Variants in TNIP3 observed in about 807,000 individuals in gnomAD.
The protein encoded by TNIP3 is TNFAIP3 interacting protein 3.
In TNIP3, 34 loss-of-function variants were observed where a neutral mutation model predicts 54.1. The ratio of observed to expected loss-of-function variants is 0.63; its 90% CI spans 0.48 to 0.84. The LOEUF (loss-of-function observed/expected upper bound fraction) is 0.84. TNIP3 is among the 40% of genes least tolerant of loss of function. TNIP3 has a pLI of 0.00. For synonymous variants in TNIP3, 134 were observed against 136.8 expected, an observed-to-expected ratio of 0.98 and a Z score of 0.14; for missense variants, 366 against 387.6, an observed-to-expected ratio of 0.94 and a Z score of 0.47.
intron 5 of TNIP3, among the ~76,000 whole-genome samples, chr4:121,152,685 G>C (rs1278969823): frequency 6.6e-6 from 1 of 152,106 alleles, no homozygotes; most frequent in Non-Finnish European, 1.5e-5. Context: ...CATTGCCTGA[G>C]TCCCTCCCTC....
chr4:121,216,794 A>G (rs1485695672), upstream of TNIP3, among the ~76,000 whole-genome samples: 2 of 152,182 alleles, frequency 1.3e-5, no homozygotes, highest in African/African-American at 4.8e-5. Context: ...AGAAAGCTAG[A>G]CATTCTAATA....
At chr4:121,157,537 C>G in intron 3 of TNIP3, among the ~76,000 whole-genome samples, 1 of 152,180 alleles carries the variant, frequency 6.6e-6, no homozygotes, top group East Asian at 1.9e-4. Context: ...CCAGGGGAAT[C>G]TGTAGGTTTG....
rs780015587 is a variant in TNIP3 at position 121,157,111 on chromosome 4, G to C, written c.346C>G (p.Arg116Gly). The C allele has an allele frequency of 6.8e-6, 11 of 1,613,952 alleles. No homozygotes were observed. In the South Asian group the frequency reaches 9.9e-5, roughly 15 times the overall value. ...DDRQRDLTRDRLQREEKEKER... is the reference protein window; with the variant it reads ...DDRQRDLTRDGLQREEKEKER... ...CCGCCCACCTCCTCCCGCTGCAGCC[G>C]GTCCCGGGTCAGGTCGCGCTGCCTG... Residue 116 changes from arginine to glycine, a missense_variant, in exon 4 of 11, where the codon CGG becomes GGG. Arg to Gly is a moderately radical substitution (Grantham distance 125). Transcript: ENST00000057513.
intron 3 of TNIP3, among the ~76,000 whole-genome samples, chr4:121,178,697 C>T (rs1724503019): frequency 6.6e-6 from 1 of 152,092 alleles, no homozygotes; most frequent in South Asian, 2.1e-4. Context: ...TTGATACTCC[C>T]CTGCAGACTC....
chr4:121,146,125 C>G (rs1402483750), intron 7 of TNIP3, among the ~76,000 whole-genome samples: 3 of 151,752 alleles, frequency 2.0e-5, no homozygotes, highest in Non-Finnish European at 2.9e-5. Context: ...TTTTTTACTA[C>G]TATTTTATTT....
chr4:121,146,382 T>A (rs1176573453), intron 7 of TNIP3, among the ~76,000 whole-genome samples: 1 of 152,208 alleles, frequency 6.6e-6, no homozygotes, highest in African/African-American at 2.4e-5. Context: ...ATTTTACAAA[T>A]AAAAATGGTG....
intron 2 of TNIP3, among the ~76,000 whole-genome samples, chr4:121,159,988 A>G (rs746488464): frequency 7.9e-5 from 12 of 152,370 alleles, no homozygotes; most frequent in Middle Eastern, 6.8e-3. Flanking sequence ...ATTATTTAGT[A>G]TGAAACTGTA....
chr4:121,159,796 TTGTTGG>T (rs1730336169), intron 2 of TNIP3, among the ~76,000 whole-genome samples: 1 of 152,226 alleles, frequency 6.6e-6, no homozygotes, highest in South Asian at 2.1e-4. Context: ...GGTTGGCTTT[TTGTTGG>T]GGAAGTTTGT....
At chr4:121,188,662 G>A (rs1725146630) in intron 2 of TNIP3, among the ~76,000 whole-genome samples, 2 of 152,058 alleles carry the variant, frequency 1.3e-5, no homozygotes, top group Admixed American at 1.3e-4. Flanking sequence ...AAAATGTTAT[G>A]GTTTACTGCC....
chr4:121,211,297 A>G (rs562912157), intron 2 of TNIP3, among the ~76,000 whole-genome samples: 18 of 152,364 alleles, frequency 1.2e-4, no homozygotes, highest in African/African-American at 4.3e-4. Flanking sequence ...ATGATATAAA[A>G]TACTAAAAAG....
intron 2 of TNIP3, among the ~76,000 whole-genome samples, chr4:121,200,357 AG>A (rs1397942884): frequency 6.6e-6 from 1 of 152,170 alleles, no homozygotes; most frequent in African/African-American, 2.4e-5. Context: ...AAAACTTTAT[AG>A]TAGGGCCCTC....
At chr4:121,147,546 T>C (rs907584401) in intron 6 of TNIP3, among the ~76,000 whole-genome samples, 2 of 152,222 alleles carry the variant, frequency 1.3e-5, no homozygotes, top group Middle Eastern at 3.2e-3. Context: ...TAAGTTATTT[T>C]GGATGTATCT....
chr4:121,159,072 G>A lies in TNIP3; in HGVS notation c.148-320C>T, dbSNP rs543221854. 1.4e-4 allele frequency among the ~76,000 whole-genome samples: 22 copies of A among 152,230 alleles called. No homozygotes were observed. In the South Asian group the frequency reaches 1.9e-3, roughly 13 times the overall value. ...AGCCTGCCCAACATGGTGACATCCC[G>A]TCTCTACTAAAAATACAAAACTTAG... is the stretch of plus-strand genomic sequence containing the variant. On this transcript the variant is annotated intron_variant, in intron 2 of 10. Coordinates refer to ENST00000057513, the MANE Select transcript of TNIP3 (RefSeq NM_024873.6).
At chr4:121,137,788 C>A in intron 10 of TNIP3, 1 of 357,382 alleles carries the variant, frequency 2.8e-6, no homozygotes, top group Non-Finnish European at 5.6e-6. Flanking sequence ...GACTACATAG[C>A]TCATCTTCAG....
chr4:121,219,506 C>T (rs1184925998), upstream of TNIP3, among the ~76,000 whole-genome samples: 1 of 152,142 alleles, frequency 6.6e-6, no homozygotes, highest in Non-Finnish European at 1.5e-5. Context: ...TCCATAGTTC[C>T]AAAATAACCC....
chr4:121,212,126 T>C (rs1246082690), intron 2 of TNIP3, among the ~76,000 whole-genome samples: 1 of 151,902 alleles, frequency 6.6e-6, no homozygotes, highest in Non-Finnish European at 1.5e-5. Flanking sequence ...AATCCAAGAG[T>C]TTATGCAAGC....
At chr4:121,152,740 T>C (rs1729835582) in intron 5 of TNIP3, among the ~76,000 whole-genome samples, 1 of 152,206 alleles carries the variant, frequency 6.6e-6, no homozygotes, top group Admixed American at 6.5e-5. Flanking sequence ...TGTGTTGTTA[T>C]AAAGATGGAT....
chr4:121,220,202 C>T (rs1348413907), upstream of TNIP3, among the ~76,000 whole-genome samples: 2 of 152,136 alleles, frequency 1.3e-5, no homozygotes, highest in African/African-American at 4.8e-5. Context: ...AAGAGACCTA[C>T]AGGTAGGCAG....
chr4:121,151,954 G>A (rs1324137994), intron 5 of TNIP3, among the ~76,000 whole-genome samples: 2 of 152,202 alleles, frequency 1.3e-5, no homozygotes, highest in Non-Finnish European at 2.9e-5. Context: ...GGCACGAGCT[G>A]AGTAGCCTTA....
Sources: gnomAD v4.1 joint callset for allele counts (sites outside exome capture counted in the v4.1 genomes callset) on GRCh38, gnomAD v4.1.1 for gene constraint, MANE v1.5 for transcripts, NCBI Gene and HGNC (gene_info 2026-07-23, HGNC 2026-07-21) for gene names.